Variants in STXBP5L observed in about 807,000 individuals in gnomAD.
The protein encoded by STXBP5L is syntaxin binding protein 5L.
In STXBP5L, 65 loss-of-function variants were observed where a neutral mutation model predicts 144.5. That is an observed-to-expected ratio of 0.45 (90% CI 0.37 to 0.55). STXBP5L has a LOEUF of 0.55. STXBP5L is among the 20% of genes least tolerant of loss of function. The pLI is 0.00. For synonymous variants in STXBP5L, 505 were observed against 469.6 expected (o/e 1.08, Z -0.97); for missense variants, 1,298 against 1,405.5 (o/e 0.92, Z 1.22).
rs778291924 is a variant in STXBP5L at position 120,917,376 on chromosome 3, T to A, written c.189+7609T>A. Among the ~76,000 whole-genome samples the A allele has an allele frequency of 2.1e-4, 32 of 152,138 alleles. 1 individual carries two copies. Among genetic ancestry groups the A allele is most frequent in the Non-Finnish European group, 2.9e-5 (2 of 68,018 alleles). On this transcript the variant is annotated intron_variant, in intron 2 of 26. Transcript: ENST00000471454. The stretch of plus-strand genomic sequence containing the variant: ...TAGGGGAGATGTGTGAGGAATTGAC[T>A]TTATAGAAAAGAAAAGTGGTGAAAA...
intron 5 of STXBP5L, among the ~76,000 whole-genome samples, chr3:121,079,769 C>T (rs1427588607): frequency 6.6e-6 from 1 of 152,082 alleles, no homozygotes; most frequent in Non-Finnish European, 1.5e-5. Flanking sequence ...GAGAATGTTC[C>T]CCACGCTGAT....
At chr3:121,352,217 G>A (rs1228747005) in intron 20 of STXBP5L, among the ~76,000 whole-genome samples, 1 of 152,084 alleles carries the variant, frequency 6.6e-6, no homozygotes, top group East Asian at 1.9e-4. Context: ...CCAATTCTGT[G>A]AAGAAAGTCA....
intron 20 of STXBP5L, among the ~76,000 whole-genome samples, chr3:121,354,084 G>C (rs900387173): frequency 6.6e-6 from 1 of 152,156 alleles, no homozygotes; most frequent in East Asian, 1.9e-4. Context: ...CTTTACTGAG[G>C]AGTGCTTTAC....
chr3:120,943,428 CT>C (rs1710670901), intron 2 of STXBP5L, among the ~76,000 whole-genome samples: 2 of 151,460 alleles, frequency 1.3e-5, no homozygotes, highest in East Asian at 3.9e-4. Flanking sequence ...AGGCTAGGGT[CT>C]GGAAAACTCA....
intron 2 of STXBP5L, among the ~76,000 whole-genome samples, chr3:120,910,322 G>A (rs1017373005): frequency 2.0e-5 from 3 of 152,126 alleles, no homozygotes; most frequent in Non-Finnish European, 2.9e-5. Flanking sequence ...CAAAAATAGC[G>A]GGTGTTCTGG....
At chr3:121,334,025 G>A (rs1418662258) in intron 20 of STXBP5L, among the ~76,000 whole-genome samples, 1 of 152,020 alleles carries the variant, frequency 6.6e-6, no homozygotes, top group Non-Finnish European at 1.5e-5. Flanking sequence ...CTCTCGTGGG[G>A]AGCAGTCTCA....
chr3:121,328,716 C>T (rs898045725), intron 20 of STXBP5L, among the ~76,000 whole-genome samples: 2 of 151,976 alleles, frequency 1.3e-5, no homozygotes, highest in Non-Finnish European at 1.5e-5. Context: ...CACCACTGCA[C>T]TCCAGCATGG....
chr3:121,053,892 GA>G (rs532014584), intron 5 of STXBP5L, among the ~76,000 whole-genome samples: 7 of 148,064 alleles, frequency 4.7e-5, no homozygotes, highest in Admixed American at 2.7e-4. Context: ...AAATTTACAA[GA>G]AAAAAAAACA....
At chr3:120,961,606 T>A (rs1374580843) in intron 3 of STXBP5L, among the ~76,000 whole-genome samples, 1 of 152,248 alleles carries the variant, frequency 6.6e-6, no homozygotes, top group Non-Finnish European at 1.5e-5. Context: ...CTAGAACTCA[T>A]CCTTTTTTAT....
chr3:121,032,753 TG>T (rs1227725546), intron 3 of STXBP5L, among the ~76,000 whole-genome samples: 3 of 76,560 alleles, frequency 3.9e-5, no homozygotes, highest in African/African-American at 1.6e-4. Flanking sequence ...CATCAAAAAG[TG>T]GGCGAAGGAC....
chr3:121,197,658 C>A lies in STXBP5L; in HGVS notation c.878-8265C>A, dbSNP rs376231795. Among the ~76,000 whole-genome samples the A allele has an allele frequency of 2.0e-5, 3 of 152,072 alleles. No individual in the cohort carries two copies. In the East Asian group the frequency reaches 5.8e-4, roughly 29 times the overall value. Reference sequence around the variant, plus strand: ...TCTTAATACTCTCCCTCCCCATCACCCCTACCCCACAGCATGCCCCAGTAT... The same window carrying A: ...TCTTAATACTCTCCCTCCCCATCACACCTACCCCACAGCATGCCCCAGTAT... On this transcript the variant is annotated intron_variant, in intron 9 of 26. Coordinates refer to ENST00000471454, the MANE Select transcript of STXBP5L (RefSeq NM_001308330.2).
intron 19 of STXBP5L, among the ~76,000 whole-genome samples, chr3:121,306,881 G>A (rs2043353893): frequency 6.6e-6 from 1 of 152,124 alleles, no homozygotes; most frequent in South Asian, 2.1e-4. Flanking sequence ...TAGAACATCT[G>A]GTGGATGCTA....
chr3:121,009,924 A>T (rs552443204), intron 3 of STXBP5L, among the ~76,000 whole-genome samples: 1 of 151,922 alleles, frequency 6.6e-6, no homozygotes, highest in South Asian at 2.1e-4. Context: ...TTGGACTCCT[A>T]CTGAGTTTTA....
Position 121,027,111 on chromosome 3 carries a change from GTGTT to G in STXBP5L, c.288-14585_288-14582del, listed in dbSNP as rs1351108486. Among the ~76,000 whole-genome samples, 4 of 151,782 alleles carry G rather than the reference GTGTT, an allele frequency of 2.6e-5. No homozygotes were observed. The East Asian group carries it at 5.8e-4, about 22-fold the overall frequency. On this transcript the variant is annotated intron_variant, in intron 3 of 26. Transcript: ENST00000471454. ...TATGTGTATATATGTATATATATATGTGTTTGTATATGTGTATGTGTGTTTATAT... is the reference window on the plus strand; with the variant it reads ...TATGTGTATATATGTATATATATATGTGTATATGTGTATGTGTGTTTATAT...
chr3:121,306,521 G>C (rs1488005201), intron 19 of STXBP5L, among the ~76,000 whole-genome samples: 2 of 152,204 alleles, frequency 1.3e-5, no homozygotes, highest in African/African-American at 4.8e-5. Context: ...GCCCAGACTA[G>C]TGGCTCAAAG....
At chr3:121,283,559 T>A (rs2051130233) in intron 19 of STXBP5L, among the ~76,000 whole-genome samples, 1 of 152,014 alleles carries the variant, frequency 6.6e-6, no homozygotes, top group African/African-American at 2.4e-5. Flanking sequence ...TTTTATAAAA[T>A]TTCAGTTTCT....
rs879485716 is a variant in STXBP5L at position 120,943,826 on chromosome 3, C to CTT, written c.190-11103_190-11102dup. Among the ~76,000 whole-genome samples the CTT allele has an allele frequency of 9.9e-4, 142 of 142,748 alleles. No individual in the cohort carries two copies. The Middle Eastern group carries it at 0.011, about 11-fold the overall frequency. The allele number at this position is 142,748 out of a possible 152,430, so 93.6% of individuals were successfully genotyped here. A position where few individuals can be genotyped will look rare whatever the true frequency, so the allele number is the denominator to read the frequency against. ...AAACAACTGTTTTCTTCTTCTTCTT[C>CTT]TTTTTTTTTTTTAAACTGGATCATT... On this transcript the variant is annotated intron_variant, in intron 2 of 26. Transcript: ENST00000471454.
chr3:121,183,305 A>G (rs1425434726), intron 9 of STXBP5L, among the ~76,000 whole-genome samples: 1 of 152,212 alleles, frequency 6.6e-6, no homozygotes, highest in African/African-American at 2.4e-5. Flanking sequence ...CAATCAGACA[A>G]GAGAATAAAA....
intron 6 of STXBP5L, among the ~76,000 whole-genome samples, chr3:121,116,231 A>T (rs2044224590): frequency 6.6e-6 from 1 of 152,166 alleles, no homozygotes; most frequent in Non-Finnish European, 1.5e-5. Flanking sequence ...TTTCTGCCTC[A>T]TATATAGTCT....
Sources: gnomAD v4.1 joint callset for allele counts (sites outside exome capture counted in the v4.1 genomes callset) on GRCh38, gnomAD v4.1.1 for gene constraint, MANE v1.5 for transcripts, NCBI Gene and HGNC (gene_info 2026-07-23, HGNC 2026-07-21) for gene names.